RYR2: variants seen among roughly 807,000 people sequenced by gnomAD.
RYR2 encodes ryanodine receptor 2.
RYR2 carries 227 observed loss-of-function variants against 601.1 expected under a neutral mutation model. The observed-to-expected ratio is 0.38, with a 90% CI of 0.34 to 0.42. The LOEUF is 0.42. Ranked by LOEUF, RYR2 falls within the 10% of genes least tolerant of loss-of-function variation. The pLI is 1.00. For synonymous variants in RYR2, 2,223 were observed against 2,175.1 expected, an observed-to-expected ratio of 1.02 and a Z score of -0.61; for missense variants, 4,646 against 6,156.5, an observed-to-expected ratio of 0.75 and a Z score of 8.21.
chr1:237,116,788 G>T (rs1249367439), intron 1 of RYR2, among the ~76,000 whole-genome samples: 1 of 152,030 alleles, frequency 6.6e-6, no homozygotes, highest in Admixed American at 6.6e-5. Flanking sequence ...AAGCAGTGAG[G>T]CAGAGAACAC....
At chr1:237,685,808 T>A (rs1049107120) in intron 62 of RYR2, among the ~76,000 whole-genome samples, 3 of 152,218 alleles carry the variant, frequency 2.0e-5, no homozygotes, top group African/African-American at 7.2e-5. Context: ...TAATCTTATG[T>A]CTAGTAGCCA....
At chr1:237,173,312 C>G (rs1023971097) in intron 1 of RYR2, among the ~76,000 whole-genome samples, 1 of 152,138 alleles carries the variant, frequency 6.6e-6, no homozygotes, top group Non-Finnish European at 1.5e-5. Context: ...TGGTTTGAGT[C>G]CTAGCACTGT....
At chr1:237,694,556 A>C (rs1687248178) in intron 63 of RYR2, among the ~76,000 whole-genome samples, 1 of 152,158 alleles carries the variant, frequency 6.6e-6, no homozygotes, top group Admixed American at 6.5e-5. Flanking sequence ...TACTGTAAAA[A>C]ATCCTATTTT....
At chr1:237,563,502 G>A (rs1671672411) in intron 27 of RYR2, among the ~76,000 whole-genome samples, 1 of 150,484 alleles carries the variant, frequency 6.6e-6, no homozygotes, top group Non-Finnish European at 1.5e-5. Flanking sequence ...TCCCTTGCAT[G>A]ATAGTATCTG....
chr1:237,309,982 C>A (rs1694364582), intron 2 of RYR2, among the ~76,000 whole-genome samples: 1 of 152,214 alleles, frequency 6.6e-6, no homozygotes, highest in Admixed American at 6.5e-5. Context: ...CTGGTTCCTG[C>A]CCACACCTCT....
chr1:237,073,866 TAAAAA>T (rs71178385), intron 1 of RYR2, among the ~76,000 whole-genome samples: 1 of 123,286 alleles, frequency 8.1e-6, no homozygotes, highest in East Asian at 2.5e-4. Context: ...GACTCCATCT[TAAAAA>T]AAAAAAAAAA....
chr1:237,817,927 G>A (rs963882802), intron 100 of RYR2, among the ~76,000 whole-genome samples: 4 of 152,164 alleles, frequency 2.6e-5, no homozygotes, highest in Admixed American at 6.6e-5. Flanking sequence ...TCAGAGGAAG[G>A]ATTATTAATT....
intron 1 of RYR2, among the ~76,000 whole-genome samples, chr1:237,159,295 A>AAT (rs1675745664): frequency 1.3e-5 from 2 of 151,946 alleles, no homozygotes; most frequent in African/African-American, 2.4e-5. Flanking sequence ...CCATCTCAAA[A>AAT]AATAATAATA....
At chr1:237,280,691 G>A (rs1312945614) in intron 2 of RYR2, among the ~76,000 whole-genome samples, 1 of 151,804 alleles carries the variant, frequency 6.6e-6, no homozygotes, top group Non-Finnish European at 1.5e-5. Flanking sequence ...ATATTTAACA[G>A]TTTTCTTGGC....
intron 12 of RYR2, among the ~76,000 whole-genome samples, chr1:237,439,753 G>T (rs1707729959): frequency 6.6e-6 from 1 of 151,692 alleles, no homozygotes; most frequent in African/African-American, 2.4e-5. Flanking sequence ...CACAATTAAT[G>T]TTTACGTGAC....
rs142304279 is a variant in RYR2, at chr1:237,148,563, C to CAT, written c.48+106008_48+106009dup. The stretch of plus-strand genomic sequence containing the variant: ...ATATATATATATATATACACACACA[C>CAT]ATATATATATATATACACACACATA... On this transcript the variant is annotated intron_variant, in intron 1 of 104. Transcript: ENST00000366574. 3.7e-3 allele frequency among the ~76,000 whole-genome samples: 302 copies of CAT among 82,396 alleles called. 4 individuals carry two copies. Among genetic ancestry groups the CAT allele is most frequent in the African/African-American group, 0.011 (289 of 25,968 alleles). The allele number at this position is 82,396 out of a possible 152,430, so 54.1% of individuals were successfully genotyped here. A position where few individuals can be genotyped will look rare whatever the true frequency, so the allele number is the denominator to read the frequency against.
Position 237,197,830 on chromosome 1 carries a change from G to T in RYR2, c.49-72667G>T, listed in dbSNP as rs556590616. On this transcript the variant is annotated intron_variant, in intron 1 of 104. Transcript: ENST00000366574. Reference sequence around the variant, plus strand: ...CAGTCCTGCTCCATAGCTGGAGTTTGTGGGCAGAACATAGGAATTCAGGTA... The same window carrying T: ...CAGTCCTGCTCCATAGCTGGAGTTTTTGGGCAGAACATAGGAATTCAGGTA... Among the ~76,000 whole-genome samples the T allele has an allele frequency of 4.6e-5, 7 of 152,364 alleles. No individual in the cohort carries two copies. The South Asian group carries it at 1.4e-3, about 32-fold the overall frequency.
intron 17 of RYR2, 85 bp downstream of exon 17, chr1:237,469,272 A>AAC (rs1269634474): frequency 2.5e-6 from 2 of 799,358 alleles, no homozygotes; most frequent in Non-Finnish European, 3.6e-6. Flanking sequence ...AAAAAAAAAA[A>AAC]AAAAAAACAA....
intron 45 of RYR2, 61 bp from the exon 46 acceptor site, chr1:237,638,954 T>TAAC: frequency 6.4e-7 from 1 of 1,557,312 alleles, no homozygotes; most frequent in South Asian, 1.2e-5. Context: ...GTATAACATT[T>TAAC]ATTTGTTCAG....
intron 28 of RYR2, 48 bp downstream of exon 28, chr1:237,566,823 C>T (rs775903929): frequency 1.7e-4 from 262 of 1,587,834 alleles, no homozygotes; most frequent in Non-Finnish European, 2.2e-4. Flanking sequence ...GCTGGAGGCT[C>T]ATCTCCTCTG....
intron 100 of RYR2, among the ~76,000 whole-genome samples, chr1:237,818,021 A>G (rs1053776446): frequency 6.6e-6 from 1 of 152,204 alleles, no homozygotes; most frequent in South Asian, 2.1e-4. Flanking sequence ...AAAGATCTGG[A>G]ATCAGGAATA....
chr1:237,527,771 C>A (rs994382352), intron 24 of RYR2, among the ~76,000 whole-genome samples: 1 of 147,500 alleles, frequency 6.8e-6, no homozygotes, highest in African/African-American at 2.4e-5. Flanking sequence ...CAGTCATCAT[C>A]TTTTCTCCTA....
intron 2 of RYR2, among the ~76,000 whole-genome samples, chr1:237,274,039 A>C (rs993274448): frequency 7.6e-6 from 1 of 131,088 alleles, no homozygotes; most frequent in African/African-American, 3.9e-5. Flanking sequence ...TATTATATAT[A>C]ATATTTATAA....
intron 1 of RYR2, among the ~76,000 whole-genome samples, chr1:237,178,891 T>C (rs1254836572): frequency 6.6e-6 from 1 of 152,200 alleles, no homozygotes; most frequent in African/African-American, 2.4e-5. Context: ...TTATGTACTA[T>C]GTGGTGTGAG....
Sources: allele counts gnomAD v4.1 joint callset (sites outside exome capture counted in the v4.1 genomes callset), GRCh38; gene constraint gnomAD v4.1.1; transcripts MANE v1.5; gene names NCBI Gene and HGNC (gene_info 2026-07-23, HGNC 2026-07-21).